Variants in RELCH observed in about 807,000 individuals in gnomAD.
The protein encoded by RELCH is RAB11-binding protein RELCH.
In RELCH, 41 loss-of-function variants were observed where a neutral mutation model predicts 150.3. The ratio of observed to expected loss-of-function variants is 0.27; its 90% CI spans 0.21 to 0.35. RELCH has a LOEUF of 0.35. RELCH is among the 10% of genes least tolerant of loss of function. The pLI is 1.00. For missense variants in RELCH, 1,092 were observed against 1,467.8 expected, an observed-to-expected ratio of 0.74 and a Z score of 4.18; for synonymous variants, 478 against 531.8, an observed-to-expected ratio of 0.90 and a Z score of 1.39.
At chr18:62,243,478 A>G (rs1206911437) in intron 10 of RELCH, among the ~76,000 whole-genome samples, 1 of 152,180 alleles carries the variant, frequency 6.6e-6, no homozygotes, top group Non-Finnish European at 1.5e-5. Context: ...CCCAAACAGG[A>G]AGACTGAAAA....
intron 24 of RELCH, among the ~76,000 whole-genome samples, chr18:62,280,997 G>C (rs143873599): frequency 6.6e-6 from 1 of 152,254 alleles, no homozygotes; most frequent in Non-Finnish European, 1.5e-5. Flanking sequence ...TTCTCTTTCT[G>C]ATTGGGCCAG....
chr18:62,199,216 C>A (rs910797168), intron 1 of RELCH, among the ~76,000 whole-genome samples: 2 of 148,318 alleles, frequency 1.3e-5, no homozygotes, highest in Non-Finnish European at 3.0e-5. Context: ...CCTAAAGTTT[C>A]TCCAGCCCAT....
chr18:62,266,657 C>T (rs920634747), intron 18 of RELCH, 44 bp from the exon 19 acceptor site: 1 of 1,282,716 alleles, frequency 7.8e-7, no homozygotes, highest in Middle Eastern at 1.9e-4. Flanking sequence ...TCAATTTGCC[C>T]ATTGAACCTG....
chr18:62,200,805 C>T (rs1251432227), intron 1 of RELCH, among the ~76,000 whole-genome samples: 1 of 151,822 alleles, frequency 6.6e-6, no homozygotes, highest in African/African-American at 2.4e-5. Context: ...ATAAAAGAAA[C>T]TTTTCATTAG....
At chr18:62,245,510 C>T (rs1460338278) in intron 11 of RELCH, among the ~76,000 whole-genome samples, 2 of 151,962 alleles carry the variant, frequency 1.3e-5, no homozygotes, top group African/African-American at 4.8e-5. Flanking sequence ...CCTGTAATCC[C>T]AGCTACTCAG....
chr18:62,187,340 A>T lies in RELCH; in HGVS notation c.-166A>T, dbSNP rs1599729917. 1.8e-6 allele frequency: 1 copy of T among 551,432 alleles called. No homozygotes were observed. The highest frequency in any genetic ancestry group is 3.0e-6 in the Non-Finnish European group (1 of 331,706). 34.2% of individuals were successfully genotyped at this position (551,432 alleles called of 1,614,324 possible). On this transcript the variant is annotated 5_prime_UTR_variant, in exon 1 of 29. Transcript: ENST00000644646. Reference sequence around the variant, plus strand: ...AGGCTGAGGCATCAGGTGCAGCTGCATCCGGATCTCCTGCCTTGGAGCGTA... The same window carrying T: ...AGGCTGAGGCATCAGGTGCAGCTGCTTCCGGATCTCCTGCCTTGGAGCGTA...
At position 62,200,455 on chromosome 18, in the gene RELCH, G is replaced by T. The variant is rs189178291; in HGVS notation, c.527-10698G>T. The stretch of plus-strand genomic sequence containing the variant: ...TTCCTTTTAGCTCTCAAATATTTTG[G>T]ACATAGAGGTCAGTGAAAAATTAGC... On this transcript the variant is annotated intron_variant, in intron 1 of 28. Coordinates refer to ENST00000644646, the MANE Select transcript of RELCH (RefSeq NM_001346231.2). Among the ~76,000 whole-genome samples the T allele has an allele frequency of 3.9e-5, 6 of 152,054 alleles. No individual in the cohort carries two copies. The East Asian group carries it at 9.7e-4, about 24-fold the overall frequency.
chr18:62,219,434 A>T (rs1295221664), intron 2 of RELCH, among the ~76,000 whole-genome samples: 1 of 145,226 alleles, frequency 6.9e-6, no homozygotes, highest in Non-Finnish European at 1.5e-5. Context: ...AGCATGATAT[A>T]TATATTTATT....
chr18:62,213,051 T>C (rs2040263652), intron 2 of RELCH, among the ~76,000 whole-genome samples: 2 of 152,206 alleles, frequency 1.3e-5, no homozygotes, highest in Admixed American at 1.3e-4. Flanking sequence ...TATTGACAAC[T>C]GTATCAAAGT....
chr18:62,231,295 A>G (rs1044538227), intron 9 of RELCH, 26 bp downstream of exon 9: 1 of 1,414,794 alleles, frequency 7.1e-7, no homozygotes, highest in Non-Finnish European at 9.9e-7. Flanking sequence ...TATTTCCACA[A>G]CTTTTTAAAA....
intron 5 of RELCH, among the ~76,000 whole-genome samples, chr18:62,227,084 T>C (rs1251691746): frequency 2.6e-5 from 4 of 151,694 alleles, no homozygotes; most frequent in Non-Finnish European, 5.9e-5. Context: ...TTCCAGCTAC[T>C]TGGGAGGCTG....
intron 1 of RELCH, among the ~76,000 whole-genome samples, chr18:62,202,201 T>C (rs2039498242): frequency 6.6e-6 from 1 of 152,194 alleles, no homozygotes; most frequent in South Asian, 2.1e-4. Flanking sequence ...TATTAGAATA[T>C]GGTAGATTCT....
intron 13 of RELCH, among the ~76,000 whole-genome samples, chr18:62,255,876 T>C (rs899666101): frequency 6.6e-6 from 1 of 152,090 alleles, no homozygotes; most frequent in Non-Finnish European, 1.5e-5. Flanking sequence ...GCTGCTGCAT[T>C]AGCACTAATC....
At chr18:62,218,529 T>C (rs2040625060) in intron 2 of RELCH, among the ~76,000 whole-genome samples, 1 of 151,986 alleles carries the variant, frequency 6.6e-6, no homozygotes, top group Non-Finnish European at 1.5e-5. Context: ...TCATAAGTCA[T>C]GAAAGCATAA....
intron 24 of RELCH, among the ~76,000 whole-genome samples, chr18:62,281,474 A>C (rs2044512424): frequency 6.6e-6 from 1 of 152,220 alleles, no homozygotes; most frequent in African/African-American, 2.4e-5. Flanking sequence ...GTTTCAGGAG[A>C]CCACCAAGGT....
chr18:62,191,038 G>A (rs1226866923), intron 1 of RELCH, among the ~76,000 whole-genome samples: 1 of 152,166 alleles, frequency 6.6e-6, no homozygotes, highest in Non-Finnish European at 1.5e-5. Flanking sequence ...GTCTTTGTGT[G>A]TATTTCTAGA....
intron 5 of RELCH, among the ~76,000 whole-genome samples, chr18:62,225,132 G>A (rs546314435): frequency 6.6e-6 from 1 of 151,682 alleles, no homozygotes; most frequent in East Asian, 1.9e-4. Context: ...TTTTACAAAT[G>A]GTAATGGAAC....
intron 20 of RELCH, among the ~76,000 whole-genome samples, chr18:62,272,247 A>C (rs2043943690): frequency 6.6e-6 from 1 of 152,190 alleles, no homozygotes; most frequent in Non-Finnish European, 1.5e-5. Flanking sequence ...TAGACGCAAC[A>C]GTATGCCTAC....
chr18:62,231,350 G>A, intron 9 of RELCH, 81 bp downstream of exon 9: 1 of 859,566 alleles, frequency 1.2e-6, no homozygotes, highest in Non-Finnish European at 1.9e-6. Flanking sequence ...TTCTACAGAA[G>A]CATCTGTGAT....
Sources: gnomAD v4.1 joint callset for allele counts (sites outside exome capture counted in the v4.1 genomes callset) on GRCh38, gnomAD v4.1.1 for gene constraint, MANE v1.5 for transcripts, NCBI Gene and HGNC (gene_info 2026-07-23, HGNC 2026-07-21) for gene names.